LNX1: variants seen among roughly 807,000 people sequenced by gnomAD.
LNX1 encodes the protein E3 ubiquitin-protein ligase LNX.
A neutral mutation model predicts 68.4 loss-of-function variants in LNX1; 54 were observed. The ratio of observed to expected loss-of-function variants is 0.79; its 90% confidence interval spans 0.63 to 0.99. The LOEUF (loss-of-function observed/expected upper bound fraction) is 0.99. Ranked by LOEUF, LNX1 falls within the 50% of genes least tolerant of loss-of-function variation. The pLI, the probability that LNX1 is intolerant of heterozygous loss-of-function variation, is 0.00. For synonymous variants in LNX1, 336 were observed against 350.0 expected (o/e 0.96, Z 0.45); for missense variants, 906 against 926.4 (o/e 0.98, Z 0.29).
At chr4:53,518,937 G>A (rs966856329) in intron 2 of LNX1, among the ~76,000 whole-genome samples, 1 of 152,238 alleles carries the variant, frequency 6.6e-6, no homozygotes, top group African/African-American at 2.4e-5. Context: ...GCTGGCAAGT[G>A]AGTCTGTCAT....
intron 6 of LNX1, among the ~76,000 whole-genome samples, chr4:53,490,849 G>A (rs1724631267): frequency 6.6e-6 from 1 of 152,184 alleles, no homozygotes; most frequent in African/African-American, 2.4e-5. Context: ...GAAACGGCAT[G>A]CGATTGCTTA....
intron 1 of LNX1, among the ~76,000 whole-genome samples, chr4:53,651,638 A>G (rs1268010520): frequency 6.6e-6 from 1 of 152,140 alleles, no homozygotes; most frequent in Non-Finnish European, 1.5e-5. Flanking sequence ...TGGAGACAGG[A>G]TGTGCTGCTG....
rs879847801 is a variant in LNX1 at position 53,571,025 on chromosome 4, T to TA, written c.380+2597dup. ...CTGGGCGACAGAGCCAGACTCCGTCTAAAAAAAAAAAAAAAGAATCTTTTT... is the reference window on the plus strand; with the variant it reads ...CTGGGCGACAGAGCCAGACTCCGTCTAAAAAAAAAAAAAAAAGAATCTTTTT... On this transcript the variant is annotated intron_variant, in intron 2 of 10. Transcript: ENST00000263925. Among the ~76,000 whole-genome samples the TA allele has an allele frequency of 1.2e-3, 155 of 131,778 alleles. 1 individual carries two copies. The highest frequency in any genetic ancestry group is 1.5e-3 in the South Asian group (6 of 4,046). The allele number at this position is 131,778 out of a possible 152,430, so 86.5% of individuals were successfully genotyped here. A position where few individuals can be genotyped will look rare whatever the true frequency, so the allele number is the denominator to read the frequency against.
intron 1 of LNX1, among the ~76,000 whole-genome samples, chr4:53,645,309 C>A (rs1277582507): frequency 6.6e-6 from 1 of 152,252 alleles, no homozygotes; most frequent in South Asian, 2.1e-4. Flanking sequence ...GGCCTTTGGT[C>A]ACCAGCCTGG....
chr4:53,575,379 TTTGC>T, intron 1 of LNX1: 1 of 418,884 alleles, frequency 2.4e-6, no homozygotes, highest in Admixed American at 6.4e-5. Context: ...ACATGCTTGC[TTTGC>T]ATCTAGGAAG....
chr4:53,533,142 C>T (rs1227599546), intron 2 of LNX1, among the ~76,000 whole-genome samples: 1 of 152,198 alleles, frequency 6.6e-6, no homozygotes, highest in Non-Finnish European at 1.5e-5. Flanking sequence ...GCACAGTGGG[C>T]CTGGCCTGAG....
At chr4:53,548,261 G>A (rs983530051) in intron 2 of LNX1, among the ~76,000 whole-genome samples, 1 of 152,178 alleles carries the variant, frequency 6.6e-6, no homozygotes, top group Non-Finnish European at 1.5e-5. Context: ...GACTGGCAGT[G>A]AGCAATTTTC....
At chr4:53,532,361 G>T (rs1373030156) in intron 2 of LNX1, among the ~76,000 whole-genome samples, 1 of 152,126 alleles carries the variant, frequency 6.6e-6, no homozygotes, top group African/African-American at 2.4e-5. Context: ...TGTAGCCCCG[G>T]CTACTCGGGA....
chr4:53,642,200 C>T (rs1383423217), intron 1 of LNX1, among the ~76,000 whole-genome samples: 1 of 125,856 alleles, frequency 7.9e-6, no homozygotes, highest in African/African-American at 3.2e-5. Flanking sequence ...CCAGCCTGGG[C>T]AATGCAGAGC....
chr4:53,512,658 T>C (rs1481505326), intron 2 of LNX1, among the ~76,000 whole-genome samples: 1 of 152,176 alleles, frequency 6.6e-6, no homozygotes, highest in African/African-American at 2.4e-5. Context: ...GGCTGGCCCA[T>C]AGCTATTATT....
In LNX1 at chr4:53,507,438, G is replaced by T. The variant is rs1274256193; in HGVS notation, c.654C>A (p.Ser218Arg). Residue 218 changes from serine to arginine, a missense_variant, in exon 4 of 11, where the codon AGC (serine) becomes AGA (arginine). Coordinates refer to ENST00000263925, the MANE Select transcript of LNX1 (RefSeq NM_001126328.3). ...ARPFERSTIR[S>R]RSFKKINRAL... ...CTCGATTTATTTTTTTAAATGATCT[G>T]CTTCTAATAGTGGATCTCTCAAAGG... 3.7e-6 allele frequency: 6 copies of T among 1,613,944 alleles called. No individual in the cohort carries two copies. The African/African-American group carries it at 6.7e-5, about 18-fold the overall frequency.
At chr4:53,470,786 C>T (rs577912209) in intron 9 of LNX1, among the ~76,000 whole-genome samples, 163 of 151,854 alleles carry the variant, frequency 1.1e-3, no homozygotes, top group African/African-American at 3.4e-3. Flanking sequence ...TTACAAGGGA[C>T]GTGAAGGACC....
chr4:53,511,824 C>A (rs62323601), intron 2 of LNX1, among the ~76,000 whole-genome samples: 18,133 of 152,188 alleles, frequency 0.12, 1,188 homozygotes, highest in East Asian at 0.17. Context: ...AAAGGTCACC[C>A]AACAGGGCAG....
chr4:53,651,930 G>A (rs1480117382), intron 1 of LNX1, among the ~76,000 whole-genome samples: 2 of 152,080 alleles, frequency 1.3e-5, no homozygotes, highest in African/African-American at 4.8e-5. Context: ...GGTATAAAGA[G>A]CGCAAATGCC....
intron 2 of LNX1, among the ~76,000 whole-genome samples, chr4:53,551,570 G>A (rs1156961614): frequency 2.0e-5 from 3 of 152,080 alleles, no homozygotes; most frequent in Admixed American, 1.3e-4. Context: ...CACTGCGCAC[G>A]CTCACCCCCC....
intron 6 of LNX1, among the ~76,000 whole-genome samples, 153 bp from the exon 7 acceptor site, chr4:53,482,007 G>A (rs1723949790): frequency 6.6e-6 from 1 of 152,170 alleles, no homozygotes; most frequent in Non-Finnish European, 1.5e-5. Flanking sequence ...TATCCATCTT[G>A]TAATTTGCCA....
At chr4:53,470,036 A>G (rs1261974930) in intron 9 of LNX1, among the ~76,000 whole-genome samples, 1 of 152,148 alleles carries the variant, frequency 6.6e-6, no homozygotes, top group South Asian at 2.1e-4. Flanking sequence ...GAGACACAAC[A>G]AAAAAAGAGA....
At chr4:53,569,116 C>G (rs1309808603) in intron 2 of LNX1, among the ~76,000 whole-genome samples, 1 of 151,800 alleles carries the variant, frequency 6.6e-6, no homozygotes, top group East Asian at 1.9e-4. Context: ...CAGTGCCATC[C>G]CCATCAAGCT....
intron 2 of LNX1, among the ~76,000 whole-genome samples, chr4:53,562,258 G>A (rs1414109662): frequency 6.6e-6 from 1 of 152,164 alleles, no homozygotes; most frequent in East Asian, 1.9e-4. Context: ...CCTCTCCAGG[G>A]GCCCCACTAC....
Sources: allele counts gnomAD v4.1 joint callset (sites outside exome capture counted in the v4.1 genomes callset), GRCh38; gene constraint gnomAD v4.1.1; transcripts MANE v1.5; gene names NCBI Gene and HGNC (gene_info 2026-07-23, HGNC 2026-07-21).